Variants in CDH13 observed in about 807,000 individuals in gnomAD.
The protein encoded by CDH13 is cadherin 13.
A neutral mutation model predicts 63.8 loss-of-function variants in CDH13; 24 were observed. The observed-to-expected ratio is 0.38, with a 90% CI of 0.27 to 0.53. The LOEUF is 0.53. Among genes scored for constraint, CDH13 ranks in the 20% least tolerant of loss-of-function variants. The pLI, the probability that CDH13 is intolerant of heterozygous loss-of-function variation, is 0.85. For missense variants in CDH13, 1,049 were observed against 903.1 expected (o/e 1.16, Z -2.07); for synonymous variants, 503 against 355.3 (o/e 1.42, Z -4.67).
chr16:83,181,981 G>T (rs1361588265), intron 4 of CDH13, among the ~76,000 whole-genome samples: 2 of 152,178 alleles, frequency 1.3e-5, no homozygotes, highest in Admixed American at 1.3e-4. Context: ...GCACACAGAA[G>T]CTGGATTCCC....
At chr16:82,825,889 C>G (rs1489966111) in intron 1 of CDH13, 1 of 151,276 alleles carries the variant, frequency 6.6e-6, no homozygotes, top group Non-Finnish European at 1.5e-5. Flanking sequence ...AACTCTGACT[C>G]TGACACCAGG....
chr16:83,506,616 C>T (rs748613696), intron 7 of CDH13, among the ~76,000 whole-genome samples: 40 of 152,302 alleles, frequency 2.6e-4, no homozygotes, highest in Non-Finnish European at 5.7e-4. Context: ...CCTCATGGTA[C>T]CCATGCTCCT....
chr16:83,592,412 T>C (rs1050805838), intron 7 of CDH13, among the ~76,000 whole-genome samples: 1 of 152,224 alleles, frequency 6.6e-6, no homozygotes, highest in South Asian at 2.1e-4. Flanking sequence ...CTAGCAGTTA[T>C]TTGAGCCTAA....
chr16:83,488,380 A>G (rs541199370), intron 7 of CDH13, among the ~76,000 whole-genome samples: 1 of 152,172 alleles, frequency 6.6e-6, no homozygotes, highest in African/African-American at 2.4e-5. Context: ...GCATAGAGGG[A>G]AAAAAAGGAA....
chr16:83,311,540 A>C (rs1007942938), intron 5 of CDH13, among the ~76,000 whole-genome samples: 1 of 152,170 alleles, frequency 6.6e-6, no homozygotes, highest in Non-Finnish European at 1.5e-5. Flanking sequence ...TCACAAATGC[A>C]TATGCTATGA....
intron 1 of CDH13, among the ~76,000 whole-genome samples, chr16:82,785,079 G>A (rs894951984): frequency 6.6e-6 from 1 of 152,160 alleles, no homozygotes; most frequent in Non-Finnish European, 1.5e-5. Flanking sequence ...TCAAAAATCT[G>A]CTCTGCCTGA....
chr16:83,767,523 A>G (rs188012094), intron 11 of CDH13, among the ~76,000 whole-genome samples: 84 of 152,320 alleles, frequency 5.5e-4, no homozygotes, highest in African/African-American at 1.9e-3. Flanking sequence ...AGTCTTGGGT[A>G]TATCTTTATT....
At chr16:83,580,503 T>C (rs1905482204) in intron 7 of CDH13, among the ~76,000 whole-genome samples, 1 of 110,554 alleles carries the variant, frequency 9.0e-6, no homozygotes, top group Non-Finnish European at 1.8e-5. Flanking sequence ...TCTCTCTCTC[T>C]CTCTAAGTCA....
At chr16:83,629,890 C>T (rs1308415121) in intron 8 of CDH13, among the ~76,000 whole-genome samples, 3 of 152,194 alleles carry the variant, frequency 2.0e-5, no homozygotes, top group Non-Finnish European at 1.5e-5. Context: ...CTTACAACAG[C>T]GTTGAATCCA....
chr16:83,429,178 C>G (rs200200046), intron 6 of CDH13, among the ~76,000 whole-genome samples: 1 of 152,070 alleles, frequency 6.6e-6, no homozygotes, highest in South Asian at 2.1e-4. Context: ...TGGATCTGAA[C>G]AAGCCATAGC....
At chr16:82,966,343 G>A (rs1380707410) in intron 2 of CDH13, among the ~76,000 whole-genome samples, 1 of 121,784 alleles carries the variant, frequency 8.2e-6, no homozygotes, top group African/African-American at 2.7e-5. Context: ...TAGAGATGGG[G>A]TTTCACTGTT....
intron 7 of CDH13, among the ~76,000 whole-genome samples, chr16:83,493,581 G>C (rs2074069533): frequency 6.6e-6 from 1 of 152,190 alleles, no homozygotes; most frequent in African/African-American, 2.4e-5. Context: ...GAAAGGAGTG[G>C]CATGGACAAA....
intron 2 of CDH13, among the ~76,000 whole-genome samples, chr16:82,989,622 A>T (rs1373906764): frequency 1.3e-5 from 2 of 152,074 alleles, no homozygotes; most frequent in Non-Finnish European, 2.9e-5. Flanking sequence ...TACAATGGAG[A>T]CTTTAATTTT....
chr16:83,056,503 A>T (rs901166659), intron 3 of CDH13, among the ~76,000 whole-genome samples: 1 of 152,198 alleles, frequency 6.6e-6, no homozygotes, highest in Non-Finnish European at 1.5e-5. Context: ...AAAAATATGG[A>T]TAAACTTAAT....
intron 1 of CDH13, among the ~76,000 whole-genome samples, chr16:82,804,742 A>G (rs1261872104): frequency 6.6e-6 from 1 of 152,134 alleles, no homozygotes; most frequent in Non-Finnish European, 1.5e-5. Flanking sequence ...ACTTTCCCCA[A>G]ATAGGTATCT....
intron 7 of CDH13, among the ~76,000 whole-genome samples, chr16:83,548,110 A>G (rs2075422221): frequency 6.6e-6 from 1 of 152,028 alleles, no homozygotes; most frequent in South Asian, 2.1e-4. Context: ...GGGGATGGGA[A>G]GCTAGCCAAG....
chr16:83,012,499 A>G (rs1366466730), intron 2 of CDH13, among the ~76,000 whole-genome samples: 1 of 152,130 alleles, frequency 6.6e-6, no homozygotes, highest in Non-Finnish European at 1.5e-5. Flanking sequence ...TTTCACTTAC[A>G]CAGTGCAGAA....
chr16:83,239,629 G>A (rs1904300144), intron 5 of CDH13, among the ~76,000 whole-genome samples: 1 of 152,160 alleles, frequency 6.6e-6, no homozygotes, highest in Admixed American at 6.5e-5. Flanking sequence ...TGACTGAGGT[G>A]ATTTTTTTCT....
chr16:82,840,620 G>A (rs1438402042), intron 1 of CDH13, among the ~76,000 whole-genome samples: 1 of 149,896 alleles, frequency 6.7e-6, no homozygotes, highest in Non-Finnish European at 1.5e-5. Context: ...GGGAGGCGGA[G>A]GTTGCAGTGA....
Sources: gnomAD v4.1 joint callset for allele counts (sites outside exome capture counted in the v4.1 genomes callset) on GRCh38, gnomAD v4.1.1 for gene constraint, MANE v1.5 for transcripts, NCBI Gene and HGNC (gene_info 2026-07-23, HGNC 2026-07-21) for gene names.